Variants in LIPI observed in about 807,000 individuals in gnomAD.
LIPI encodes lipase member I.
In LIPI, 59 loss-of-function variants were observed where a neutral mutation model predicts 50.6. The ratio of observed to expected loss-of-function variants is 1.16; its 90% CI spans 0.94 to 1.45. The LOEUF (loss-of-function observed/expected upper bound fraction) is 1.45, where lower values mean the gene tolerates loss of function less well. Among genes scored for constraint, LIPI ranks in the 40% most tolerant of loss-of-function variants. LIPI has a pLI of 0.00. For synonymous variants in LIPI, 203 were observed against 178.2 expected (o/e 1.14, Z -1.11); for missense variants, 586 against 536.3 (o/e 1.09, Z -0.92).
At chr21:14,114,910 A>G (rs1215202284) in intron 9 of LIPI, among the ~76,000 whole-genome samples, 1 of 152,242 alleles carries the variant, frequency 6.6e-6, no homozygotes, top group Non-Finnish European at 1.5e-5. Context: ...GGCAACAAAG[A>G]AAGGATAGCA....
intron 2 of LIPI, among the ~76,000 whole-genome samples, chr21:14,188,710 A>G (rs1018155716): frequency 2.0e-4 from 31 of 152,168 alleles, no homozygotes; most frequent in African/African-American, 7.2e-4. Context: ...CCCACATAGG[A>G]TAACTATTTT....
chr21:14,208,915 G>A (rs544010947), intron 1 of LIPI, among the ~76,000 whole-genome samples: 1 of 152,224 alleles, frequency 6.6e-6, no homozygotes, highest in East Asian at 1.9e-4. Context: ...GCCAGGCGTG[G>A]TGGTGTGTGC....
chr21:14,121,953 A>T (rs941511325), intron 9 of LIPI, among the ~76,000 whole-genome samples: 1 of 152,246 alleles, frequency 6.6e-6, no homozygotes, highest in African/African-American at 2.4e-5. Flanking sequence ...TGACTAGTCT[A>T]CGCATGGCTG....
chr21:14,175,571 G>A (rs2019065608), intron 4 of LIPI, among the ~76,000 whole-genome samples: 1 of 151,682 alleles, frequency 6.6e-6, no homozygotes, highest in Non-Finnish European at 1.5e-5. Flanking sequence ...CTTTTCATTT[G>A]GGTTAGAAAT....
At chr21:14,153,306 C>G (rs1045854289) in intron 7 of LIPI, among the ~76,000 whole-genome samples, 46 of 152,248 alleles carry the variant, frequency 3.0e-4, no homozygotes, top group African/African-American at 1.1e-3. Context: ...TGTGCACCCC[C>G]CTTCTAGAAC....
chr21:14,125,989 C>G (rs977009944), intron 9 of LIPI, among the ~76,000 whole-genome samples: 1 of 151,890 alleles, frequency 6.6e-6, no homozygotes, highest in African/African-American at 2.4e-5. Flanking sequence ...TGAGATACCT[C>G]TACACACCTA....
intron 4 of LIPI, among the ~76,000 whole-genome samples, chr21:14,176,489 A>G (rs1014602557): frequency 2.0e-5 from 3 of 151,840 alleles, no homozygotes; most frequent in African/African-American, 7.2e-5. Context: ...TTAATATGCA[A>G]TAATGTGAAT....
chr21:14,149,192 G>A (rs1430442552), intron 8 of LIPI, among the ~76,000 whole-genome samples: 1 of 152,172 alleles, frequency 6.6e-6, no homozygotes, highest in Non-Finnish European at 1.5e-5. Flanking sequence ...TGGCAGAAGG[G>A]AAAGCAACAT....
chr21:14,163,365 T>C (rs1456779666), intron 7 of LIPI, 54 bp downstream of exon 7: 2 of 815,776 alleles, frequency 2.5e-6, no homozygotes, highest in Non-Finnish European at 4.3e-6. Flanking sequence ...AAATGTAGAT[T>C]AGTGCAAAAA....
intron 4 of LIPI, among the ~76,000 whole-genome samples, chr21:14,174,803 C>T (rs566281406): frequency 1.1e-3 from 173 of 152,304 alleles, no homozygotes; most frequent in African/African-American, 3.7e-3. Context: ...TCCCCCGCCT[C>T]GGCCTCCCAA....
chr21:14,202,781 C>T (rs13051223), intron 1 of LIPI, among the ~76,000 whole-genome samples: 16 of 151,858 alleles, frequency 1.1e-4, no homozygotes, highest in East Asian at 1.9e-4. Flanking sequence ...GGGCAAGGAC[C>T]TCATGTCTAA....
intron 1 of LIPI, among the ~76,000 whole-genome samples, chr21:14,203,262 G>A (rs933954553): frequency 2.0e-5 from 3 of 152,052 alleles, no homozygotes; most frequent in African/African-American, 7.2e-5. Context: ...CAACCATTGT[G>A]GAAGTCAGTG....
chr21:14,146,071 T>A (rs1164049142), intron 8 of LIPI, among the ~76,000 whole-genome samples: 1 of 152,206 alleles, frequency 6.6e-6, no homozygotes, highest in Non-Finnish European at 1.5e-5. Context: ...GAATGTGTTA[T>A]CTTTCCATAC....
At chr21:14,141,540 A>G (rs948377531) in intron 9 of LIPI, among the ~76,000 whole-genome samples, 1 of 152,112 alleles carries the variant, frequency 6.6e-6, no homozygotes, top group Non-Finnish European at 1.5e-5. Flanking sequence ...GTTTCCTGTT[A>G]TAAATCTTTT....
chr21:14,210,100 G>A (rs1416398421), intron 1 of LIPI, among the ~76,000 whole-genome samples: 1 of 151,928 alleles, frequency 6.6e-6, no homozygotes, highest in African/African-American at 2.4e-5. Flanking sequence ...GAAATAATCT[G>A]CTCTCATAAA....
intron 1 of LIPI, among the ~76,000 whole-genome samples, chr21:14,205,211 A>G (rs1008652935): frequency 6.6e-6 from 1 of 151,984 alleles, no homozygotes. Flanking sequence ...ATACTCATTG[A>G]CTACTAACAT....
intron 9 of LIPI, among the ~76,000 whole-genome samples, chr21:14,138,293 A>G (rs1267337651): frequency 1.3e-5 from 2 of 152,178 alleles, no homozygotes; most frequent in Non-Finnish European, 2.9e-5. Flanking sequence ...TAAAGATTTC[A>G]GGACAAATAA....
chr21:14,192,339 C>T (rs2019705385), intron 1 of LIPI, among the ~76,000 whole-genome samples: 2 of 152,048 alleles, frequency 1.3e-5, no homozygotes, highest in African/African-American at 4.8e-5. Flanking sequence ...GTTGTGGGCG[C>T]CTGTAATCCC....
chr21:14,135,954 A>G (rs2017482972), intron 9 of LIPI, among the ~76,000 whole-genome samples: 1 of 152,172 alleles, frequency 6.6e-6, no homozygotes, highest in Non-Finnish European at 1.5e-5. Flanking sequence ...TTTGTCTTGC[A>G]TCTAGCATAG....
Sources: allele counts gnomAD v4.1 joint callset (sites outside exome capture counted in the v4.1 genomes callset), GRCh38; gene constraint gnomAD v4.1.1; transcripts MANE v1.5; gene names NCBI Gene and HGNC (gene_info 2026-07-23, HGNC 2026-07-21).